EYA2: variants seen among roughly 807,000 people sequenced by gnomAD.
EYA2 encodes the protein protein phosphatase EYA2.
EYA2 carries 31 observed loss-of-function variants against 69.2 expected under a neutral mutation model. The ratio of observed to expected loss-of-function variants is 0.45; its 90% CI spans 0.34 to 0.60. EYA2 has a LOEUF of 0.60. EYA2 is among the 20% of genes least tolerant of loss of function. The pLI is 0.02. For missense variants in EYA2, 622 were observed against 701.2 expected (o/e 0.89, Z 1.28); for synonymous variants, 257 against 279.4 (o/e 0.92, Z 0.80).
chr20:47,174,916 A>G (rs939259275), intron 12 of EYA2, among the ~76,000 whole-genome samples: 5 of 152,152 alleles, frequency 3.3e-5, no homozygotes, highest in African/African-American at 1.2e-4. Flanking sequence ...TGCAGGAGTG[A>G]AGCAGCAAGC....
At chr20:47,062,443 T>C (rs2146455574) in intron 5 of EYA2, among the ~76,000 whole-genome samples, 1 of 152,336 alleles carries the variant, frequency 6.6e-6, no homozygotes, top group South Asian at 2.1e-4. Context: ...CTGGCTCTTT[T>C]ATGCAGTTAT....
At chr20:47,114,002 C>A (rs1326310249) in intron 9 of EYA2, among the ~76,000 whole-genome samples, 3 of 152,126 alleles carry the variant, frequency 2.0e-5, no homozygotes, top group Non-Finnish European at 4.4e-5. Context: ...TTTTTAGTGA[C>A]CATCCACACA....
chr20:47,110,512 ATGTCCGG>A (rs2032719770), intron 9 of EYA2, among the ~76,000 whole-genome samples: 1 of 152,054 alleles, frequency 6.6e-6, no homozygotes, highest in Non-Finnish European at 1.5e-5. Flanking sequence ...GTGAGCCACC[ATGTCCGG>A]CCGCTCCACT....
At chr20:47,077,489 G>C (rs188110795) in intron 7 of EYA2, among the ~76,000 whole-genome samples, 1 of 152,310 alleles carries the variant, frequency 6.6e-6, no homozygotes, top group East Asian at 1.9e-4. Context: ...AGCTAAGCTA[G>C]CACGATGGTG....
intron 5 of EYA2, among the ~76,000 whole-genome samples, chr20:47,050,108 C>G (rs6122548): frequency 6.6e-6 from 1 of 152,116 alleles, no homozygotes; most frequent in Admixed American, 6.6e-5. Flanking sequence ...TCATCATGCT[C>G]GAGTGCCTCG....
chr20:47,039,601 C>A (rs968997363), intron 5 of EYA2, among the ~76,000 whole-genome samples: 3 of 152,144 alleles, frequency 2.0e-5, no homozygotes, highest in African/African-American at 7.2e-5. Context: ...ACAATGGAAA[C>A]AAAGTATCAA....
At chr20:46,948,810 T>C (rs1340558824) in intron 1 of EYA2, among the ~76,000 whole-genome samples, 1 of 152,240 alleles carries the variant, frequency 6.6e-6, no homozygotes, top group Non-Finnish European at 1.5e-5. Context: ...TTCACTTCTC[T>C]AAGAGCACTG....
chr20:47,143,300 A>G, intron 10 of EYA2, 152 bp downstream of exon 10: 1 of 656,528 alleles, frequency 1.5e-6, no homozygotes, highest in Non-Finnish European at 2.5e-6. Context: ...ACAACCCCCA[A>G]AAAGGCCCAA....
intron 1 of EYA2, among the ~76,000 whole-genome samples, chr20:46,943,500 G>T (rs1476155343): frequency 6.6e-6 from 1 of 152,180 alleles, no homozygotes. Flanking sequence ...GGGCCTCTCT[G>T]GGGCCCTGGG....
chr20:46,909,405 G>A (rs1217171335), intron 1 of EYA2, among the ~76,000 whole-genome samples: 1 of 152,126 alleles, frequency 6.6e-6, no homozygotes, highest in East Asian at 1.9e-4. Flanking sequence ...GACCTGAGAT[G>A]CCTACATTGA....
At chr20:47,005,900 GC>G (rs1247098561) in intron 4 of EYA2, among the ~76,000 whole-genome samples, 7 of 152,188 alleles carry the variant, frequency 4.6e-5, no homozygotes, top group Admixed American at 2.6e-4. Flanking sequence ...CTTAACCAAA[GC>G]CCTTTTAGTA....
intron 4 of EYA2, among the ~76,000 whole-genome samples, chr20:47,007,961 A>G (rs1982823231): frequency 6.6e-6 from 1 of 152,072 alleles, no homozygotes. Context: ...TGCTGTGGTG[A>G]GGCTGGCTCA....
At chr20:47,087,764 G>T (rs1043423213) in intron 7 of EYA2, among the ~76,000 whole-genome samples, 1 of 152,190 alleles carries the variant, frequency 6.6e-6, no homozygotes, top group Non-Finnish European at 1.5e-5. Flanking sequence ...CCCACATTCT[G>T]TGCTGCGTCT....
At chr20:47,050,441 G>C (rs534070553) in intron 5 of EYA2, among the ~76,000 whole-genome samples, 71 of 152,314 alleles carry the variant, frequency 4.7e-4, no homozygotes, top group Non-Finnish European at 7.6e-4. Flanking sequence ...ACCCACTAGT[G>C]ATGGCAGGAG....
intron 1 of EYA2, among the ~76,000 whole-genome samples, chr20:46,961,327 A>G (rs1213533972): frequency 6.6e-6 from 1 of 152,182 alleles, no homozygotes; most frequent in Non-Finnish European, 1.5e-5. Flanking sequence ...CTCTGTCTCA[A>G]ATAAATAAAT....
chr20:46,896,298 T>C (rs1050104723), intron 1 of EYA2, among the ~76,000 whole-genome samples: 8 of 152,154 alleles, frequency 5.3e-5, no homozygotes, highest in South Asian at 4.1e-4. Flanking sequence ...CGTTTCTTGA[T>C]TGAGTGAAAT....
intron 1 of EYA2, among the ~76,000 whole-genome samples, chr20:46,898,254 T>G (rs1214804584): frequency 2.3e-5 from 1 of 43,682 alleles, no homozygotes; most frequent in East Asian, 6.8e-4. Flanking sequence ...TTTGTGTTGG[T>G]TTTTTTTTTT....
chr20:47,164,993 T>C (rs1286753017), intron 10 of EYA2, among the ~76,000 whole-genome samples: 1 of 152,206 alleles, frequency 6.6e-6, no homozygotes, highest in Non-Finnish European at 1.5e-5. Context: ...AGAGCAGCGC[T>C]GTCCAGTAGA....
At chr20:47,155,054 C>T (rs976080418) in intron 10 of EYA2, among the ~76,000 whole-genome samples, 2 of 151,876 alleles carry the variant, frequency 1.3e-5, no homozygotes, top group African/African-American at 4.8e-5. Context: ...CAGGGTTTCA[C>T]CATGTTGGTC....
Sources: gnomAD v4.1 joint callset for allele counts (sites outside exome capture counted in the v4.1 genomes callset) on GRCh38, gnomAD v4.1.1 for gene constraint, MANE v1.5 for transcripts, NCBI Gene and HGNC (gene_info 2026-07-23, HGNC 2026-07-21) for gene names.